IL1RAPL2: variants seen among roughly 807,000 people sequenced by gnomAD.
IL1RAPL2 encodes X-linked interleukin-1 receptor accessory protein-like 2.
IL1RAPL2 carries 3 observed loss-of-function variants against 44.1 expected under a neutral mutation model. The ratio of observed to expected loss-of-function variants is 0.07; its 90% confidence interval spans 0.03 to 0.18. IL1RAPL2 has a LOEUF of 0.18. Among genes scored for constraint, IL1RAPL2 ranks in the 10% least tolerant of loss-of-function variants. The pLI, the probability that IL1RAPL2 is intolerant of heterozygous loss-of-function variation, is 1.00. For missense variants in IL1RAPL2, 391 were observed against 496.4 expected (o/e 0.79, Z 2.02); for synonymous variants, 181 against 178.8 (o/e 1.01, Z -0.10).
chrX:105,398,321 G>C (rs1301772888), intron 5 of IL1RAPL2, among the ~76,000 whole-genome samples: 2 of 110,433 alleles, frequency 1.8e-5, no homozygotes, highest in East Asian at 5.8e-4. Context: ...CAACAGAGTA[G>C]CTTGCCTGTT....
At chrX:104,762,484 C>T (rs757608945) in intron 2 of IL1RAPL2, among the ~76,000 whole-genome samples, 3 of 111,871 alleles carry the variant, frequency 2.7e-5, no homozygotes, top group East Asian at 2.8e-4. Flanking sequence ...TCCAGACCTA[C>T]GGTGCAAGCT....
Position 105,424,355 on chromosome X carries a change from G to T in IL1RAPL2, c.698-59958G>T, listed in dbSNP as rs1375290619. Among the ~76,000 whole-genome samples the T allele has an allele frequency of 4.5e-5, 5 of 110,351 alleles. No homozygotes were observed. The Admixed American group carries it at 4.8e-4, about 11-fold the overall frequency. ...ATAGGTAGATAAGAGAGAAATGGTG[G>T]CATTCTTTTGAGTTTCTGATTAGCC... On this transcript the variant is annotated intron_variant, in intron 5 of 10. Coordinates refer to ENST00000372582, the MANE Select transcript of IL1RAPL2 (RefSeq NM_017416.2).
chrX:104,584,296 C>T (rs1419025983), intron 1 of IL1RAPL2, among the ~76,000 whole-genome samples: 2 of 111,136 alleles, frequency 1.8e-5, no homozygotes, highest in Admixed American at 1.9e-4. Flanking sequence ...GATAATGCAA[C>T]AGGGAGTTGA....
chrX:104,891,883 G>C (rs1158976862), intron 2 of IL1RAPL2, among the ~76,000 whole-genome samples: 3 of 111,537 alleles, frequency 2.7e-5, no homozygotes, highest in African/African-American at 9.8e-5. Flanking sequence ...CGTTTTCAAA[G>C]GGAATGCTTC....
intron 1 of IL1RAPL2, chrX:104,647,329 G>T (rs780355386): frequency 2.6e-4 from 122 of 466,448 alleles, no homozygotes; most frequent in African/African-American, 1.4e-3. Flanking sequence ...GTGAGTTGGG[G>T]ATCAGCTTGG....
intron 7 of IL1RAPL2, among the ~76,000 whole-genome samples, chrX:105,734,363 G>A (rs892033176): frequency 9.1e-6 from 1 of 109,951 alleles, no homozygotes; most frequent in Non-Finnish European, 1.9e-5. Context: ...AGTAGTTTAG[G>A]TCATGATAAA....
At chrX:105,318,870 A>T (rs909965824) in intron 5 of IL1RAPL2, among the ~76,000 whole-genome samples, 15 of 112,474 alleles carry the variant, frequency 1.3e-4, no homozygotes, top group African/African-American at 4.8e-4. Flanking sequence ...ATGTGACAAT[A>T]CAGGTCCAGG....
chrX:104,711,698 G>T (rs1256538185), intron 2 of IL1RAPL2, among the ~76,000 whole-genome samples: 1 of 104,560 alleles, frequency 9.6e-6, no homozygotes, highest in Non-Finnish European at 2.0e-5. Context: ...AAAAAAAAAA[G>T]ATTTTTTGGT....
intron 5 of IL1RAPL2, among the ~76,000 whole-genome samples, chrX:105,337,666 C>T (rs1314375036): frequency 1.8e-5 from 2 of 111,314 alleles, no homozygotes; most frequent in African/African-American, 6.5e-5. Flanking sequence ...CTGAGGCGGG[C>T]GGATCACAAG....
At chrX:104,688,170 A>AT (rs1931021503) in intron 2 of IL1RAPL2, among the ~76,000 whole-genome samples, 1 of 111,843 alleles carries the variant, frequency 8.9e-6, no homozygotes, top group Non-Finnish European at 1.9e-5. Flanking sequence ...TGTCTGAAAT[A>AT]TTCTGTCACC....
intron 2 of IL1RAPL2, among the ~76,000 whole-genome samples, chrX:104,746,256 A>G (rs1932173388): frequency 9.0e-6 from 1 of 111,480 alleles, no homozygotes; most frequent in African/African-American, 3.3e-5. Context: ...AATCATAGCT[A>G]GTCTGACTCC....
At chrX:105,748,725 C>G (rs1326248846) in intron 8 of IL1RAPL2, among the ~76,000 whole-genome samples, 1 of 112,234 alleles carries the variant, frequency 8.9e-6, no homozygotes, top group East Asian at 2.8e-4. Flanking sequence ...TTGAGAGCAA[C>G]TATTCCTTTT....
intron 1 of IL1RAPL2, among the ~76,000 whole-genome samples, chrX:104,615,313 T>G (rs2148005844): frequency 9.0e-6 from 1 of 111,345 alleles, no homozygotes; most frequent in Admixed American, 9.6e-5. Context: ...GCTGCACCTA[T>G]CAACCCATCA....
At chrX:104,945,023 G>C (rs192469046) in intron 2 of IL1RAPL2, among the ~76,000 whole-genome samples, 4 of 111,713 alleles carry the variant, frequency 3.6e-5, no homozygotes, top group Non-Finnish European at 7.5e-5. Context: ...CATATGGCCA[G>C]AACCAATCTT....
intron 2 of IL1RAPL2, among the ~76,000 whole-genome samples, chrX:104,761,026 C>T (rs745813032): frequency 3.6e-5 from 4 of 111,422 alleles, no homozygotes; most frequent in Admixed American, 9.6e-5. Flanking sequence ...CAGAATTTAT[C>T]GAAGAGATTG....
chrX:105,097,987 C>T (rs975505502), intron 2 of IL1RAPL2, among the ~76,000 whole-genome samples: 3 of 111,687 alleles, frequency 2.7e-5, no homozygotes, highest in Admixed American at 1.9e-4. Context: ...ATATACCCAT[C>T]ACATAGAAGA....
intron 6 of IL1RAPL2, among the ~76,000 whole-genome samples, chrX:105,664,352 C>T (rs1569463061): frequency 2.7e-5 from 3 of 111,751 alleles, no homozygotes; most frequent in East Asian, 2.8e-4. Flanking sequence ...AAGAGATAGG[C>T]GAATTCTACT....
At chrX:105,535,189 A>G (rs2036668847) in intron 6 of IL1RAPL2, among the ~76,000 whole-genome samples, 1 of 112,106 alleles carries the variant, frequency 8.9e-6, no homozygotes, top group Non-Finnish European at 1.9e-5. Context: ...GAAGGCATAA[A>G]GAAGAGTTCA....
intron 1 of IL1RAPL2, chrX:104,647,307 C>T: frequency 2.3e-6 from 1 of 442,734 alleles, no homozygotes; most frequent in Non-Finnish European, 4.3e-6. Flanking sequence ...AGGCCGTCCC[C>T]TGCGGTGGCC....
Sources: allele counts gnomAD v4.1 joint callset (sites outside exome capture counted in the v4.1 genomes callset), GRCh38; gene constraint gnomAD v4.1.1; transcripts MANE v1.5; gene names NCBI Gene and HGNC (gene_info 2026-07-23, HGNC 2026-07-21).